ST7: variants seen among roughly 807,000 people sequenced by gnomAD.
ST7 encodes the protein suppressor of tumorigenicity 7 protein.
A neutral mutation model predicts 78.7 loss-of-function variants in ST7; 28 were observed. The ratio of observed to expected loss-of-function variants is 0.36; its 90% CI spans 0.26 to 0.49. ST7 has a LOEUF of 0.49. ST7 is among the 20% of genes least tolerant of loss of function. The pLI is 0.99. For synonymous variants in ST7, 247 were observed against 249.6 expected, an observed-to-expected ratio of 0.99 and a Z score of 0.10; for missense variants, 418 against 696.0, an observed-to-expected ratio of 0.60 and a Z score of 4.49.
chr7:116,955,299 T>G, intron 1 of ST7: 1 of 327,644 alleles, frequency 3.1e-6, no homozygotes, highest in South Asian at 2.4e-5. Context: ...GATTGGGTAA[T>G]TTTTAAAGAA....
intron 1 of ST7, among the ~76,000 whole-genome samples, chr7:117,027,103 G>C (rs1245104540): frequency 6.6e-6 from 1 of 152,220 alleles, no homozygotes; most frequent in Non-Finnish European, 1.5e-5. Context: ...GTAAGTATGA[G>C]TAATAGACAC....
At chr7:117,163,067 TGTCC>T (rs1175099708) in intron 9 of ST7, among the ~76,000 whole-genome samples, 1 of 152,198 alleles carries the variant, frequency 6.6e-6, no homozygotes, top group African/African-American at 2.4e-5. Context: ...AACATAATAG[TGTCC>T]TCTAGTTTCA....
chr7:116,995,190 G>A (rs890750274), intron 1 of ST7, among the ~76,000 whole-genome samples: 2 of 152,086 alleles, frequency 1.3e-5, no homozygotes, highest in African/African-American at 2.4e-5. Flanking sequence ...GTACATAGAT[G>A]GAAGACAGAA....
At chr7:116,998,074 G>T (rs1684004537) in intron 1 of ST7, among the ~76,000 whole-genome samples, 1 of 152,230 alleles carries the variant, frequency 6.6e-6, no homozygotes, top group Admixed American at 6.5e-5. Context: ...TGCTCGGGCT[G>T]CACAGGAGCC....
intron 12 of ST7, among the ~76,000 whole-genome samples, chr7:117,203,397 G>C (rs1403085645): frequency 6.6e-6 from 1 of 152,214 alleles, no homozygotes; most frequent in Non-Finnish European, 1.5e-5. Flanking sequence ...ATGTGTGTTA[G>C]TGTGTAATCA....
intron 1 of ST7, among the ~76,000 whole-genome samples, chr7:117,023,398 T>A (rs970851626): frequency 6.6e-6 from 1 of 152,178 alleles, no homozygotes; most frequent in African/African-American, 2.4e-5. Flanking sequence ...TTCATCAATA[T>A]CTCCAATGAT....
At chr7:117,203,774 A>G (rs929909372) in intron 12 of ST7, among the ~76,000 whole-genome samples, 11 of 151,992 alleles carry the variant, frequency 7.2e-5, no homozygotes, top group Non-Finnish European at 8.8e-5. Context: ...TGGATCATCA[A>G]GGTGGGGACC....
At chr7:117,164,113 C>A (rs1386762931) in intron 9 of ST7, among the ~76,000 whole-genome samples, 1 of 152,228 alleles carries the variant, frequency 6.6e-6, no homozygotes, top group East Asian at 1.9e-4. Context: ...GCTATTGTAA[C>A]CCAAACTGCA....
chr7:117,176,046 G>A (rs571078786), intron 10 of ST7, among the ~76,000 whole-genome samples: 105 of 152,206 alleles, frequency 6.9e-4, no homozygotes, highest in African/African-American at 2.5e-3. Flanking sequence ...ACATGCCAGG[G>A]ATTTTTACTC....
Position 117,213,648 on chromosome 7 carries a change from A to C in ST7, c.1405+3711A>C, listed in dbSNP as rs1023066293. 1.8e-4 allele frequency among the ~76,000 whole-genome samples: 27 copies of C among 152,158 alleles called. 1 individual carries two copies. The highest frequency in any genetic ancestry group is 7.4e-5 in the Non-Finnish European group (5 of 68,014). On this transcript the variant is annotated intron_variant, in intron 13 of 15. Coordinates refer to ENST00000323984, the MANE Select transcript of ST7 (RefSeq NM_001369598.1). ...TGAAACATATGGTGGTTTTAAAAAA[A>C]AAAACAAAACTGAATCCTCAACCAC...
At chr7:116,986,096 G>T (rs1349484167) in intron 1 of ST7, among the ~76,000 whole-genome samples, 2 of 152,248 alleles carry the variant, frequency 1.3e-5, no homozygotes, top group Non-Finnish European at 2.9e-5. Context: ...GCCTCCCAAA[G>T]TGCTGGGACT....
At chr7:117,057,767 A>G (rs1798137848) in intron 1 of ST7, among the ~76,000 whole-genome samples, 2 of 152,206 alleles carry the variant, frequency 1.3e-5, no homozygotes, top group South Asian at 2.1e-4. Context: ...GAGTGAGGGA[A>G]CCTGAGTTCC....
intron 9 of ST7, chr7:117,146,100 T>C (rs1805768203): frequency 6.6e-6 from 1 of 152,240 alleles, no homozygotes; most frequent in South Asian, 2.1e-4. Context: ...CTAAGAAATT[T>C]ACAAATACTG....
Position 117,124,736 on chromosome 7 carries a change from T to G in ST7, c.394+5016T>G, listed in dbSNP as rs552758680. 2.0e-5 allele frequency among the ~76,000 whole-genome samples: 3 copies of G among 152,236 alleles called. No individual in the cohort carries two copies. In the East Asian group the frequency reaches 5.8e-4, roughly 29 times the overall value. On this transcript the variant is annotated intron_variant, in intron 3 of 15. Coordinates refer to ENST00000323984, the MANE Select transcript of ST7 (RefSeq NM_001369598.1). ...TTTGCTATGTCTTAGTATCTTAATCTGCAAACATGGGAATAGCAGTAATGT... is the reference window on the plus strand; with the variant it reads ...TTTGCTATGTCTTAGTATCTTAATCGGCAAACATGGGAATAGCAGTAATGT...
intron 10 of ST7, among the ~76,000 whole-genome samples, chr7:117,182,412 C>T (rs1472509272): frequency 6.6e-6 from 1 of 152,124 alleles, no homozygotes. Flanking sequence ...AGAAAAATGA[C>T]TAATAAGCTG....
chr7:117,195,230 G>A (rs1214812268), intron 12 of ST7, among the ~76,000 whole-genome samples: 1 of 151,038 alleles, frequency 6.6e-6, no homozygotes, highest in Non-Finnish European at 1.5e-5. Context: ...TCTGAGGGGG[G>A]ATTATCAGAT....
chr7:117,002,000 C>T (rs545239542), intron 1 of ST7, among the ~76,000 whole-genome samples: 8 of 152,110 alleles, frequency 5.3e-5, no homozygotes, highest in South Asian at 2.1e-4. Flanking sequence ...CTGAGGCGGA[C>T]GGATCACGAG....
chr7:117,180,702 TAC>T (rs1405588754), intron 10 of ST7, among the ~76,000 whole-genome samples: 8 of 152,122 alleles, frequency 5.3e-5, no homozygotes, highest in African/African-American at 1.9e-4. Context: ...TAGACTGGAG[TAC>T]AGTGACATGA....
intron 9 of ST7, among the ~76,000 whole-genome samples, chr7:117,147,625 G>A (rs1805908215): frequency 6.6e-6 from 1 of 151,756 alleles, no homozygotes; most frequent in Non-Finnish European, 1.5e-5. Context: ...TCTTGGCAGA[G>A]GTTGTCTATT....
Sources: allele counts gnomAD v4.1 joint callset (sites outside exome capture counted in the v4.1 genomes callset), GRCh38; gene constraint gnomAD v4.1.1; transcripts MANE v1.5; gene names NCBI Gene and HGNC (gene_info 2026-07-23, HGNC 2026-07-21).